DPYD: variants seen among roughly 807,000 people sequenced by gnomAD.
DPYD encodes dihydropyrimidine dehydrogenase [NADP(+)].
DPYD carries 109 observed loss-of-function variants against 116.2 expected under a neutral mutation model. The ratio of observed to expected loss-of-function variants is 0.94; its 90% CI spans 0.80 to 1.10. DPYD has a LOEUF of 1.10. Ranked by LOEUF, DPYD falls within the 50% of genes least tolerant of loss-of-function variation. The pLI is 0.00. For missense variants in DPYD, 1,302 were observed against 1,254.5 expected, an observed-to-expected ratio of 1.04 and a Z score of -0.57; for synonymous variants, 440 against 432.0, an observed-to-expected ratio of 1.02 and a Z score of -0.23.
intron 21 of DPYD, among the ~76,000 whole-genome samples, chr1:97,085,742 C>T (rs1419783320): frequency 2.0e-5 from 3 of 152,174 alleles, no homozygotes; most frequent in Non-Finnish European, 1.5e-5. Flanking sequence ...TATGGCTAGT[C>T]TCCAGCCCCT....
Position 97,746,942 on chromosome 1 carries a change from GT to G in DPYD, c.234-6464del, listed in dbSNP as rs953809330. Among the ~76,000 whole-genome samples, 1,128 of 147,108 alleles carry G rather than the reference GT, an allele frequency of 7.7e-3. 12 individuals are homozygous for G. The highest frequency in any genetic ancestry group is 0.024 in the African/African-American group (987 of 40,412). The stretch of plus-strand genomic sequence containing the variant: ...TTTTTTGTTGTTGTTAGTGGTGTGT[GT>G]TTTTTTTTTGTTGCTAAACGAATGT... On this transcript the variant is annotated intron_variant, in intron 3 of 22. Transcript: ENST00000370192.
intron 7 of DPYD, among the ~76,000 whole-genome samples, chr1:97,679,836 G>C (rs1054312504): frequency 1.1e-4 from 17 of 152,084 alleles, no homozygotes; most frequent in African/African-American, 4.1e-4. Context: ...GGAGGTGTCA[G>C]GGTCCCTAGG....
chr1:97,915,677 T>C (rs1211698731), intron 1 of DPYD, among the ~76,000 whole-genome samples: 1 of 152,184 alleles, frequency 6.6e-6, no homozygotes, highest in East Asian at 1.9e-4. Flanking sequence ...AATCTTACAA[T>C]GCCTTATTAA....
At chr1:97,864,819 G>A (rs868616261) in intron 2 of DPYD, among the ~76,000 whole-genome samples, 10 of 152,002 alleles carry the variant, frequency 6.6e-5, no homozygotes, top group Middle Eastern at 3.4e-3. Context: ...CAGTTTCACC[G>A]GTGCAGAGGA....
chr1:97,668,583 C>A (rs1212944703), intron 8 of DPYD, among the ~76,000 whole-genome samples: 4 of 151,952 alleles, frequency 2.6e-5, no homozygotes, highest in Non-Finnish European at 5.9e-5. Flanking sequence ...AGGTATATTG[C>A]AGAAGCTTAA....
chr1:97,439,111 T>A (rs1394722367), intron 14 of DPYD, among the ~76,000 whole-genome samples: 1 of 151,708 alleles, frequency 6.6e-6, no homozygotes, highest in Non-Finnish European at 1.5e-5. Flanking sequence ...TTTCTTCAAA[T>A]TTTTTTTTCT....
intron 3 of DPYD, among the ~76,000 whole-genome samples, chr1:97,801,138 C>T (rs1439322895): frequency 1.3e-5 from 2 of 151,260 alleles, no homozygotes; most frequent in African/African-American, 4.9e-5. Flanking sequence ...GATGGTGGAG[C>T]CAACATGAAT....
chr1:97,288,265 T>C (rs890787479), intron 18 of DPYD, among the ~76,000 whole-genome samples: 30 of 143,312 alleles, frequency 2.1e-4, no homozygotes, highest in African/African-American at 8.0e-4. Context: ...CTGTCAACAT[T>C]AGACAGATCA....
At chr1:97,895,729 G>A (rs952978177) in intron 1 of DPYD, among the ~76,000 whole-genome samples, 7 of 151,664 alleles carry the variant, frequency 4.6e-5, no homozygotes, top group Admixed American at 3.3e-4. Context: ...TGAAATTTAT[G>A]AATTTAAAGT....
chr1:97,698,346 T>C (rs941653544), intron 6 of DPYD, among the ~76,000 whole-genome samples: 3 of 152,022 alleles, frequency 2.0e-5, no homozygotes, highest in African/African-American at 4.8e-5. Flanking sequence ...ATACAAATAA[T>C]TGATAATTGA....
At chr1:97,321,978 G>A (rs1356719884) in intron 16 of DPYD, among the ~76,000 whole-genome samples, 4 of 66,328 alleles carry the variant, frequency 6.0e-5, no homozygotes, top group Non-Finnish European at 3.0e-5. Flanking sequence ...GTAAACTATC[G>A]CAAGAACAAA....
chr1:97,834,747 A>C (rs1347127636), intron 2 of DPYD, among the ~76,000 whole-genome samples: 1 of 151,756 alleles, frequency 6.6e-6, no homozygotes, highest in African/African-American at 2.4e-5. Flanking sequence ...GAATTTCCTA[A>C]GGTCTAGGTT....
At position 97,251,195 on chromosome 1, in the gene DPYD, G is replaced by A. The variant is rs148352365; in HGVS notation, c.2300-16201C>T. ...GTGGATGACCTGAGGTCAGGAGTTC[G>A]AGACCAGCCTGGCCGACATGGTGAA... is the stretch of plus-strand genomic sequence containing the variant. On this transcript the variant is annotated intron_variant, in intron 18 of 22. Coordinates refer to ENST00000370192, the MANE Select transcript of DPYD (RefSeq NM_000110.4). Among the ~76,000 whole-genome samples the A allele has an allele frequency of 2.0e-3, 307 of 151,982 alleles. 2 individuals are homozygous for A. The highest frequency in any genetic ancestry group is 7.1e-3 in the African/African-American group (296 of 41,496).
chr1:97,163,467 T>C (rs1008883961), intron 20 of DPYD, among the ~76,000 whole-genome samples: 1 of 152,194 alleles, frequency 6.6e-6, no homozygotes, highest in African/African-American at 2.4e-5. Context: ...ATCCTCTGTC[T>C]TAGTCCATTT....
chr1:97,271,592 C>A (rs1216336535), intron 18 of DPYD, among the ~76,000 whole-genome samples: 1 of 152,166 alleles, frequency 6.6e-6, no homozygotes, highest in Non-Finnish European at 1.5e-5. Flanking sequence ...TCTGCATATT[C>A]TCCACATTCT....
intron 20 of DPYD, among the ~76,000 whole-genome samples, chr1:97,123,116 G>GA (rs934813855): frequency 6.6e-6 from 1 of 151,946 alleles, no homozygotes. Context: ...AGTTTTAAAG[G>GA]AAAAACCTCA....
At chr1:97,444,862 T>C (rs1253988993) in intron 14 of DPYD, among the ~76,000 whole-genome samples, 2 of 152,144 alleles carry the variant, frequency 1.3e-5, no homozygotes, top group East Asian at 1.9e-4. Context: ...TTTTTACCAA[T>C]CTTCCAAACT....
intron 3 of DPYD, among the ~76,000 whole-genome samples, chr1:97,825,421 C>T (rs1054772495): frequency 2.0e-5 from 3 of 152,068 alleles, no homozygotes; most frequent in Non-Finnish European, 4.4e-5. Flanking sequence ...AGATGTGGGT[C>T]CAACTCTGTT....
At chr1:97,398,921 C>T (rs1295981766) in intron 14 of DPYD, among the ~76,000 whole-genome samples, 7 of 152,170 alleles carry the variant, frequency 4.6e-5, no homozygotes, top group African/African-American at 1.7e-4. Context: ...ATGGTAGTTT[C>T]TTTTGCTGTG....
Sources: gnomAD v4.1 joint callset for allele counts (sites outside exome capture counted in the v4.1 genomes callset) on GRCh38, gnomAD v4.1.1 for gene constraint, MANE v1.5 for transcripts, NCBI Gene and HGNC (gene_info 2026-07-23, HGNC 2026-07-21) for gene names.